Variants in ASPM observed in about 807,000 individuals in gnomAD.
ASPM encodes the protein assembly factor for spindle microtubules.
In ASPM, 256 loss-of-function variants were observed where a neutral mutation model predicts 366.4. The observed-to-expected ratio is 0.70, with a 90% CI of 0.63 to 0.77. ASPM has a LOEUF of 0.77. ASPM is among the 30% of genes least tolerant of loss of function. ASPM has a pLI of 0.00. For missense variants in ASPM, 4,146 were observed against 4,090.4 expected (o/e 1.01, Z -0.37); for synonymous variants, 1,414 against 1,342.9 (o/e 1.05, Z -1.16).
intron 7 of ASPM, 113 bp downstream of exon 7, chr1:197,132,172 C>T: frequency 3.8e-6 from 3 of 793,670 alleles, no homozygotes; most frequent in Non-Finnish European, 6.0e-6. Flanking sequence ...ATCAAGCTAA[C>T]CTAATGACTT....
intron 17 of ASPM, among the ~76,000 whole-genome samples, chr1:197,106,184 T>C (rs551003535): frequency 6.6e-6 from 1 of 152,146 alleles, no homozygotes; most frequent in East Asian, 1.9e-4. Flanking sequence ...TCCCTTTTCC[T>C]GACCCTTTTC....
intron 27 of ASPM, among the ~76,000 whole-genome samples, chr1:197,085,009 C>G (rs1656543333): frequency 6.6e-6 from 1 of 152,164 alleles, no homozygotes; most frequent in Non-Finnish European, 1.5e-5. Context: ...CTTCATTTGG[C>G]CTCAACACAT....
In ASPM at chr1:197,100,490, T is replaced by C. The variant is rs763948575; in HGVS notation, c.8761A>G (p.Lys2921Glu). 6.2e-7 allele frequency: 1 copy of C among 1,603,598 alleles called. No individual in the cohort carries two copies. The highest frequency in any genetic ancestry group is 8.5e-7 in the Non-Finnish European group (1 of 1,174,436). Residue 2921 changes from lysine to glutamate, a missense_variant, in exon 18 of 28, where the codon AAA (lysine) becomes GAA (glutamate). Physicochemically the swap from Lys to Glu is moderately conservative, Grantham distance 56 (BLOSUM62 1). Around this residue, in one of 3 missense-constraint regions of ASPM, gnomAD observed 3,624 missense variants for 3,591.7 expected, o/e 1.01. Coordinates refer to ENST00000367409, the MANE Select transcript of ASPM (RefSeq NM_018136.5). ...AACTTCCGTTTCTGTATAAATCCTT[T>C]ACTTCTAGCTTGAATAATGATAACA... ...SSVIIIQARSKGFIQKRKFQE... is the reference protein window; with the variant it reads ...SSVIIIQARSEGFIQKRKFQE...
rs797045315 is a variant in ASPM at position 197,101,942 on chromosome 1, C to CA, written c.7308dup (p.Val2437CysfsTer14). On this transcript the variant is annotated frameshift_variant, in exon 18 of 28. Coordinates refer to ENST00000367409, the MANE Select transcript of ASPM (RefSeq NM_018136.5). LOFTEE classifies it high-confidence loss of function. ...ATGGTGGCTCGATATTTCCTCTGAACAAAAATAGTAGCTTTTTTGAGGGAA... is the reference window on the plus strand; with the variant it reads ...ATGGTGGCTCGATATTTCCTCTGAACAAAAAATAGTAGCTTTTTTGAGGGAA... The CA allele has an allele frequency of 6.2e-7, 1 of 1,612,646 alleles. No homozygotes were observed. Among genetic ancestry groups the CA allele is most frequent in the Admixed American group, 1.7e-5 (1 of 59,734 alleles).
rs763355180 is a variant in ASPM, at chr1:197,121,957, T to C, written c.3828A>G (p.Thr1276=). 6 of 1,611,684 alleles carry C rather than the reference T, an allele frequency of 3.7e-6. No homozygotes were observed. The South Asian group carries it at 6.6e-5, about 18-fold the overall frequency. ...CTGTTTTTAGTTTATATTTTCTCCA[T>C]GTTGTTTGTATGAGTCGAGCAGCTC... ...EIRAARLIQT[T]WRKYKLKTDL... is the part of the protein sequence containing the mutation. Residue 1276 remains threonine, a synonymous_variant, in exon 16 of 28, where the codon ACA becomes ACG. Transcript: ENST00000367409.
chr1:197,133,824 A>T (rs574058549), intron 5 of ASPM, among the ~76,000 whole-genome samples: 2 of 152,282 alleles, frequency 1.3e-5, no homozygotes, highest in African/African-American at 4.8e-5. Context: ...TTCAAACATG[A>T]TTATCTCTAA....
chr1:197,088,059 G>C (rs1274895747), intron 26 of ASPM, 197 bp downstream of exon 26: 4 of 566,948 alleles, frequency 7.1e-6, no homozygotes, highest in East Asian at 3.0e-5. Flanking sequence ...TTTATTTTCA[G>C]AATTCAGTTT....
chr1:197,108,254 C>T (rs1657471247), intron 17 of ASPM, among the ~76,000 whole-genome samples: 1 of 151,680 alleles, frequency 6.6e-6, no homozygotes, highest in Non-Finnish European at 1.5e-5. Context: ...TAGTATGTGG[C>T]TAAACCTGTA....
chr1:197,138,136 G>A (rs1658475839), intron 4 of ASPM, among the ~76,000 whole-genome samples: 1 of 152,058 alleles, frequency 6.6e-6, no homozygotes, highest in East Asian at 1.9e-4. Context: ...GCAGGACTAT[G>A]GTAAAGAAAT....
chr1:197,086,205 T>C (rs1209789069), intron 27 of ASPM, among the ~76,000 whole-genome samples: 2 of 150,668 alleles, frequency 1.3e-5, no homozygotes, highest in Middle Eastern at 3.4e-3. Context: ...TTGTACCTAG[T>C]ATAGAGAATT....
At chr1:197,093,986 C>A (rs190020283) in intron 20 of ASPM, 98 bp downstream of exon 20, 8 of 814,946 alleles carry the variant, frequency 9.8e-6, no homozygotes, top group Non-Finnish European at 1.5e-5. Flanking sequence ...TTTTTTCCAG[C>A]GAAGGATTTA....
At chr1:197,092,171 T>A in intron 21 of ASPM, 115 bp from the exon 22 acceptor site, 1 of 950,188 alleles carries the variant, frequency 1.1e-6, no homozygotes. Flanking sequence ...AATAAACTAA[T>A]TTTTAATCAT....
chr1:197,102,130 G>A lies in ASPM; in HGVS notation c.7121C>T (p.Ala2374Val), dbSNP rs1319117370. 6.2e-7 allele frequency: 1 copy of A among 1,612,796 alleles called. No homozygotes were observed. Among genetic ancestry groups the A allele is most frequent in the African/African-American group, 1.3e-5 (1 of 74,788 alleles). ...GAGATAATGCTGCCTCTGCAGTTTT[G>A]CAGCTCTATTTGCTTGGTATTGCTG... is the stretch of plus-strand genomic sequence containing the variant. ...IQQQYQANRA[A>V]KLQRQHYLRQ... Residue 2374 changes from alanine to valine, a missense_variant, in exon 18 of 28, where the codon GCA becomes GTA. Ala to Val is a moderately conservative substitution (Grantham distance 64). Transcript: ENST00000367409.
chr1:197,113,837 G>T (rs1421569895), intron 17 of ASPM, among the ~76,000 whole-genome samples: 1 of 151,964 alleles, frequency 6.6e-6, no homozygotes, highest in Non-Finnish European at 1.5e-5. Context: ...TTTCCAAAAT[G>T]GAAAAGTTGT....
intron 18 of ASPM, among the ~76,000 whole-genome samples, chr1:197,097,554 C>T (rs1657018083): frequency 6.6e-6 from 1 of 151,718 alleles, no homozygotes; most frequent in Admixed American, 6.6e-5. Flanking sequence ...GTTGATAATG[C>T]AATAATTATA....
Position 197,129,225 on chromosome 1 carries a change from G to A in ASPM, c.2722C>T (p.His908Tyr). The A allele has an allele frequency of 6.2e-7, 1 of 1,612,542 alleles. No homozygotes were observed. Among genetic ancestry groups the A allele is most frequent in the Non-Finnish European group, 8.5e-7 (1 of 1,178,786 alleles). The change falls in exon 9 of 28, where the codon CAT becomes TAT. Residue 908 changes from histidine (H) to tyrosine (Y), a missense_variant. Physicochemically the swap from His to Tyr is moderately conservative, Grantham distance 83. Coordinates refer to ENST00000367409, the MANE Select transcript of ASPM (RefSeq NM_018136.5). ...TCTTTACAGAAGAGACAAGGATCAT[G>A]ATCAATGAGTCTGGAAATTTTAGCA... is the stretch of plus-strand genomic sequence containing the variant. ...DYAKISRLIDHDPCLFCKDAE... is the reference protein window; with the variant it reads ...DYAKISRLIDYDPCLFCKDAE...
intron 4 of ASPM, chr1:197,138,757 A>G: frequency 1.4e-6 from 1 of 722,604 alleles, no homozygotes; most frequent in Non-Finnish European, 2.5e-6. Context: ...ATTATTTCTT[A>G]CGATGTTTGT....
chr1:197,142,675 C>A lies in ASPM; in HGVS notation c.1577G>T (p.Gly526Val), dbSNP rs574064086. 1 of 1,613,566 alleles carries A rather than the reference C, an allele frequency of 6.2e-7. No homozygotes were observed. The highest frequency in any genetic ancestry group is 8.5e-7 in the Non-Finnish European group (1 of 1,179,604). The change falls in exon 3 of 28, where the codon GGT becomes GTT. Residue 526 changes from glycine to valine, a missense_variant. Around this residue, in one of 3 missense-constraint regions of ASPM, gnomAD observed 3,624 missense variants for 3,591.7 expected, o/e 1.01. Transcript: ENST00000367409. ...ATTATTTATTACTTTTTCATGTTCA[C>A]CCACTGCACTGTTGAGACATCTTTT... is the stretch of plus-strand genomic sequence containing the variant. ...KAKRCLNSAV[G>V]EHEKVINNQK...
chr1:197,115,333 T>G (rs56084994), intron 17 of ASPM, among the ~76,000 whole-genome samples: 46,348 of 152,152 alleles, frequency 0.3, 8,843 homozygotes, highest in Middle Eastern at 0.46. Flanking sequence ...CTACCACATC[T>G]GCAGTTACTT....
Sources: allele counts gnomAD v4.1 joint callset (sites outside exome capture counted in the v4.1 genomes callset), GRCh38; gene constraint gnomAD v4.1.1; regional missense constraint gnomAD v4.1.1; transcripts MANE v1.5; gene names NCBI Gene and HGNC (gene_info 2026-07-23, HGNC 2026-07-21).